DNAH5: variants seen among roughly 807,000 people sequenced by gnomAD.
DNAH5 encodes dynein axonemal heavy chain 5.
DNAH5 carries 372 observed loss-of-function variants against 518.2 expected under a neutral mutation model. The observed-to-expected ratio is 0.72, with a 90% CI of 0.66 to 0.78. DNAH5 has a LOEUF of 0.78. DNAH5 is among the 30% of genes least tolerant of loss of function. The probability of loss-of-function intolerance (pLI) is 0.00; values close to 1 mark genes in which losing one functional copy is unlikely to be tolerated. For missense variants in DNAH5, 5,523 were observed against 5,687.0 expected (o/e 0.97, Z 0.93); for synonymous variants, 2,039 against 2,025.9 (o/e 1.01, Z -0.17).
Position 13,964,743 on chromosome 5 carries a change from A to G in DNAH5, c.13-33499T>C, listed in dbSNP as rs1178058231. Among the ~76,000 whole-genome samples the G allele has an allele frequency of 3.9e-5, 6 of 152,376 alleles. No homozygotes were observed. The South Asian group carries it at 1.0e-3, about 26-fold the overall frequency. On this transcript the variant is annotated intron_variant, in intron 1 of 78. Coordinates refer to the DNAH5 transcript ENST00000681290. ...GGCTGAGCAGAAGTTGGGGATACAA[A>G]GATCTGAGGGTGATGCCAACGTGTG...
intron 17 of DNAH5, among the ~76,000 whole-genome samples, chr5:13,889,043 A>G (rs1326267454): frequency 6.6e-6 from 1 of 152,208 alleles, no homozygotes; most frequent in Non-Finnish European, 1.5e-5. Context: ...TGGGAGAAAA[A>G]AGTACTATTC....
At chr5:13,964,196 A>G (rs979222503) in intron 1 of DNAH5, among the ~76,000 whole-genome samples, 1 of 152,096 alleles carries the variant, frequency 6.6e-6, no homozygotes, top group African/African-American at 2.4e-5. Context: ...TTAGTTGACA[A>G]TCATGGCACC....
chr5:13,939,333 G>A (rs959720263), intron 1 of DNAH5, among the ~76,000 whole-genome samples: 12 of 152,284 alleles, frequency 7.9e-5, no homozygotes, highest in African/African-American at 2.9e-4. Context: ...CCATGCTGTT[G>A]TGCCTGGAAC....
intron 1 of DNAH5, among the ~76,000 whole-genome samples, chr5:13,953,284 T>G (rs1424582473): frequency 6.6e-6 from 1 of 152,202 alleles, no homozygotes; most frequent in Non-Finnish European, 1.5e-5. Context: ...TGTATATATA[T>G]ATATACATTT....
intron 60 of DNAH5, among the ~76,000 whole-genome samples, chr5:13,759,869 G>T (rs1466263687): frequency 2.0e-5 from 3 of 152,004 alleles, no homozygotes; most frequent in South Asian, 4.2e-4. Flanking sequence ...TTTGAGAAAA[G>T]ATTATTTTTA....
rs749394641 is a variant in DNAH5, at chr5:13,844,832, C to T, written c.5271+5G>A. The T allele has an allele frequency of 3.1e-6, 5 of 1,613,976 alleles. No individual in the cohort carries two copies. Among genetic ancestry groups the T allele is most frequent in the Middle Eastern group, 1.6e-4 (1 of 6,080 alleles). On this transcript the variant is annotated splice_donor_5th_base_variant and intron_variant, in intron 32 of 78. Transcript: ENST00000265104. Reference sequence around the variant, plus strand: ...TTGTTGGCCTGCCATTAGAATTAGGCGAACCTTTTCGTGGAACTTGACAGA... The same window carrying T: ...TTGTTGGCCTGCCATTAGAATTAGGTGAACCTTTTCGTGGAACTTGACAGA...
chr5:13,867,711 T>C, intron 25 of DNAH5, 63 bp downstream of exon 25: 1 of 1,274,916 alleles, frequency 7.8e-7, no homozygotes, highest in African/African-American at 1.5e-5. Flanking sequence ...TTTAGACAAC[T>C]ACATTTTGCA....
intron 78 of DNAH5, 110 bp downstream of exon 78, chr5:13,700,530 T>TC: frequency 9.1e-7 from 1 of 1,093,112 alleles, no homozygotes; most frequent in South Asian, 1.3e-5. Flanking sequence ...AGCTAATAGA[T>TC]AAGAGAGCAA....
chr5:13,885,229 C>A lies in DNAH5; in HGVS notation c.2744-1G>T, dbSNP rs1772232595. The stretch of plus-strand genomic sequence containing the variant: ...TCAAAATTTCCTTCTTCTCTTTTTG[C>A]TGTTACAAGATGAAAGAGATAGAGA... On this transcript the variant is annotated splice_acceptor_variant, in intron 18 of 78. Coordinates refer to ENST00000265104, the MANE Select transcript of DNAH5 (RefSeq NM_001369.3). LOFTEE classifies it high-confidence loss of function. 3 of 1,613,734 alleles carry A rather than the reference C, an allele frequency of 1.9e-6. No individual in the cohort carries two copies. The highest frequency in any genetic ancestry group is 1.7e-6 in the Non-Finnish European group (2 of 1,179,940).
At chr5:13,780,377 C>T (rs373164796) in intron 53 of DNAH5, among the ~76,000 whole-genome samples, 25 of 152,310 alleles carry the variant, frequency 1.6e-4, no homozygotes, top group South Asian at 6.2e-4. Context: ...CCTGATGATA[C>T]GGCTAGATTC....
Position 13,721,970 on chromosome 5 carries a change from C to T in DNAH5, c.12034-725G>A, listed in dbSNP as rs1745114495. On this transcript the variant is annotated intron_variant, in intron 70 of 78. Transcript: ENST00000265104. The stretch of plus-strand genomic sequence containing the variant: ...TATGATCCTTAGTCTATATTCTCCA[C>T]CTTCTAAATAATTAAATTCCCTCAA... 2.0e-5 allele frequency among the ~76,000 whole-genome samples: 3 copies of T among 152,142 alleles called. No homozygotes were observed. The South Asian group carries it at 6.2e-4, about 32-fold the overall frequency.
At chr5:13,914,079 T>G in intron 10 of DNAH5, 121 bp from the exon 11 acceptor site, 2 of 1,243,914 alleles carry the variant, frequency 1.6e-6, no homozygotes, top group South Asian at 1.4e-5. Context: ...GTTTCATGCC[T>G]TTGCTTGTAC....
At chr5:13,988,509 C>G (rs1427098956) in intron 1 of DNAH5, among the ~76,000 whole-genome samples, 5 of 151,952 alleles carry the variant, frequency 3.3e-5, no homozygotes, top group African/African-American at 7.3e-5. Context: ...CCTCTGCCTC[C>G]AGGGTTCAAG....
chr5:13,895,692 A>C (rs72735054), intron 15 of DNAH5, among the ~76,000 whole-genome samples: 47 of 152,194 alleles, frequency 3.1e-4, no homozygotes, highest in Non-Finnish European at 5.4e-4. Flanking sequence ...CCAGAAACAA[A>C]CACATTTACG....
Position 13,923,378 on chromosome 5 carries a change from A to G in DNAH5, c.340T>C (p.Phe114Leu). 1.2e-6 allele frequency: 2 copies of G among 1,614,228 alleles called. No homozygotes were observed. The highest frequency in any genetic ancestry group is 2.2e-5 in the East Asian group (1 of 44,884). Residue 114 changes from phenylalanine (F) to leucine (L), a missense_variant, in exon 4 of 79, where the codon TTC becomes CTC. Coordinates refer to ENST00000265104, the MANE Select transcript of DNAH5 (RefSeq NM_001369.3). ...GCCACATCGTTTCCCTCGGTCACGA[A>G]CACCTTAGGTTTTTTAATCTTTCCA... ...VSGKIKKPKVFVTEGNDVALT... is the reference protein window; with the variant it reads ...VSGKIKKPKVLVTEGNDVALT...
At chr5:13,802,548 G>A in intron 47 of DNAH5, among the ~76,000 whole-genome samples, 1 of 152,224 alleles carries the variant, frequency 6.6e-6, no homozygotes. Context: ...ACAGCATTGA[G>A]ATTCTGCCAT....
At position 13,780,912 on chromosome 5, in the gene DNAH5, C is replaced by A; in HGVS notation, c.8868G>T (p.Gly2956=). The part of the protein sequence containing the change: ...RTPQGNALLV[G]VGGSGKQSLT... ...GGCTCTGCTTTCCTGATCCGCCCAC[C>A]CCGACCAGGAGGGCATTTCCCTGAG... Residue 2956 remains glycine (G), a synonymous_variant, in exon 53 of 79, where the codon GGG becomes GGT. Coordinates refer to ENST00000265104, the MANE Select transcript of DNAH5 (RefSeq NM_001369.3). The A allele has an allele frequency of 6.2e-7, 1 of 1,613,766 alleles. No individual in the cohort carries two copies. Among genetic ancestry groups the A allele is most frequent in the Non-Finnish European group, 8.5e-7 (1 of 1,179,774 alleles).
chr5:13,861,952 C>CAAAAAAA (rs59674964), intron 29 of DNAH5, among the ~76,000 whole-genome samples: 40 of 49,508 alleles, frequency 8.1e-4, no homozygotes, highest in South Asian at 1.2e-3. Flanking sequence ...GATTCCATCT[C>CAAAAAAA]AAAAAAAAAA....
rs1375781764 is a variant in DNAH5 at position 13,700,645 on chromosome 5, T to C, written c.13718A>G (p.Asn4573Ser). 9.9e-6 allele frequency: 16 copies of C among 1,613,928 alleles called. No individual in the cohort carries two copies. The highest frequency in any genetic ancestry group is 8.0e-5 in the African/African-American group (6 of 74,912). ...GAAGGTACAAGACAACTTACTATTG[T>C]TTTCTGCATAAATCCTTATGACAGG... ...LMPVIRIYAENNTLRDPRFYS... is the reference protein window; with the variant it reads ...LMPVIRIYAESNTLRDPRFYS... Residue 4573 changes from asparagine (N) to serine (S), a missense_variant, in exon 78 of 79, where the codon AAC becomes AGC. By Grantham distance (46) the Asn-to-Ser change is conservative (BLOSUM62 1). This residue lies in a region of DNAH5 where 387 missense variants were observed against 430.0 expected (regional missense o/e 0.90). Transcript: ENST00000265104.
Sources: gnomAD v4.1 joint callset for allele counts (sites outside exome capture counted in the v4.1 genomes callset) on GRCh38, gnomAD v4.1.1 for gene constraint, gnomAD v4.1.1 regional missense constraint, MANE v1.5 for transcripts, NCBI Gene and HGNC (gene_info 2026-07-23, HGNC 2026-07-21) for gene names.